The following GRM5 variants were observed in gnomAD, a reference collection of about 807,000 sequenced individuals.
GRM5 encodes the protein metabotropic glutamate receptor 5.
In GRM5, 19 loss-of-function variants were observed where a neutral mutation model predicts 83.1. The observed-to-expected ratio is 0.23, with a 90% confidence interval of 0.16 to 0.34. GRM5 has a LOEUF of 0.34. Among genes scored for constraint, GRM5 ranks in the 10% least tolerant of loss-of-function variants. The probability of loss-of-function intolerance (pLI) is 1.00; values close to 1 mark genes in which losing one functional copy is unlikely to be tolerated. For missense variants in GRM5, 1,160 were observed against 1,588.3 expected (o/e 0.73, Z 4.58); for synonymous variants, 675 against 633.6 (o/e 1.07, Z -0.98).
intron 2 of GRM5, among the ~76,000 whole-genome samples, chr11:88,860,223 C>G (rs1388978828): frequency 6.6e-6 from 1 of 151,916 alleles, no homozygotes; most frequent in Admixed American, 6.6e-5. Context: ...TTTTTTTCCT[C>G]TGGCTATTCT....
At position 88,509,141 on chromosome 11, in the gene GRM5, G is replaced by C; in HGVS notation, c.3090C>G (p.Gly1030=). The change falls in exon 10 of 10, where the codon GGC becomes GGG. Residue 1030 remains glycine (G), a synonymous_variant. Coordinates refer to ENST00000305447, the MANE Select transcript of GRM5 (RefSeq NM_001143831.3). ...SPISTLSHRA[G]SASRTDDDVP... ...CATCGTCGTCCGTGCGGCTGGCCGA[G>C]CCCGCGCGGTGGCTCAGCGTGCTGA... The C allele has an allele frequency of 2.6e-6, 4 of 1,540,934 alleles. No individual in the cohort carries two copies. Among genetic ancestry groups the C allele is most frequent in the Non-Finnish European group, 3.5e-6 (4 of 1,144,400 alleles).
At chr11:89,062,530 T>C (rs756901519) in intron 1 of GRM5, among the ~76,000 whole-genome samples, 11 of 152,242 alleles carry the variant, frequency 7.2e-5, no homozygotes, top group Non-Finnish European at 1.5e-4. Flanking sequence ...AGCTGCCTTC[T>C]CACTGGTCTG....
chr11:88,760,258 C>T (rs953762222), intron 3 of GRM5, among the ~76,000 whole-genome samples: 1 of 152,008 alleles, frequency 6.6e-6, no homozygotes, highest in Non-Finnish European at 1.5e-5. Flanking sequence ...AACAAACAAA[C>T]ATTCAAAAGA....
rs144151537 is a variant in GRM5 at position 88,551,279 on chromosome 11, G to C, written c.2630+15774C>G. ...CATCCTACACTCCACTTTCCCTTCT[G>C]TGGGTTCTGCCTATTTAGACTTCAG... On this transcript the variant is annotated intron_variant, in intron 8 of 9. Transcript: ENST00000305447. Among the ~76,000 whole-genome samples, 62 of 152,202 alleles carry C rather than the reference G, an allele frequency of 4.1e-4. 2 individuals are homozygous for C. In the East Asian group the frequency reaches 0.011, roughly 27 times the overall value.
At chr11:88,825,045 C>T (rs866300406) in intron 3 of GRM5, among the ~76,000 whole-genome samples, 24 of 152,088 alleles carry the variant, frequency 1.6e-4, no homozygotes, top group African/African-American at 3.4e-4. Context: ...TCACTAAGCA[C>T]GAAGTTTGCA....
chr11:88,933,721 A>G lies in GRM5; in HGVS notation c.662-83566T>C, dbSNP rs540586337. On this transcript the variant is annotated intron_variant, in intron 2 of 9. Transcript: ENST00000305447. The stretch of plus-strand genomic sequence containing the variant: ...GCTGCTCTAGATTCAAATCAATGAA[A>G]CCAAGAAATCACACATGTTTGAGAA... Among the ~76,000 whole-genome samples, 168 of 151,966 alleles carry G rather than the reference A, an allele frequency of 1.1e-3. 2 individuals are homozygous for G. Among genetic ancestry groups the G allele is most frequent in the Middle Eastern group, 0.01 (3 of 294 alleles).
intron 3 of GRM5, among the ~76,000 whole-genome samples, chr11:88,734,332 G>A (rs1291341312): frequency 6.6e-6 from 1 of 151,944 alleles, no homozygotes; most frequent in Non-Finnish European, 1.5e-5. Flanking sequence ...AAAAAGATAA[G>A]TGTTGGCAAA....
At chr11:88,573,060 A>G (rs1336557873) in intron 7 of GRM5, among the ~76,000 whole-genome samples, 1 of 152,148 alleles carries the variant, frequency 6.6e-6, no homozygotes, top group Non-Finnish European at 1.5e-5. Flanking sequence ...TTCTAATAAC[A>G]TCTATTTAGG....
At chr11:88,749,203 C>G (rs1173613616) in intron 3 of GRM5, among the ~76,000 whole-genome samples, 1 of 151,990 alleles carries the variant, frequency 6.6e-6, no homozygotes, top group Non-Finnish European at 1.5e-5. Flanking sequence ...AGTGATAAAA[C>G]AATAAAGGAG....
intron 4 of GRM5, among the ~76,000 whole-genome samples, chr11:88,637,868 C>T (rs71469207): frequency 0.19 from 28,769 of 148,118 alleles, 3,560 homozygotes; most frequent in Non-Finnish European, 0.27. Flanking sequence ...ATGTTTATTG[C>T]GGCATTATTC....
At chr11:88,585,639 C>A (rs1218732014) in intron 7 of GRM5, among the ~76,000 whole-genome samples, 1 of 152,024 alleles carries the variant, frequency 6.6e-6, no homozygotes, top group Non-Finnish European at 1.5e-5. Flanking sequence ...TTTTGCATGC[C>A]CACAATTCAT....
intron 3 of GRM5, among the ~76,000 whole-genome samples, chr11:88,775,370 T>C (rs1289797455): frequency 6.6e-6 from 1 of 152,180 alleles, no homozygotes; most frequent in Non-Finnish European, 1.5e-5. Context: ...TCAATTTTGT[T>C]GATCTTTTCA....
intron 4 of GRM5, among the ~76,000 whole-genome samples, chr11:88,633,452 C>A (rs1031095717): frequency 7.2e-5 from 11 of 152,190 alleles, no homozygotes; most frequent in African/African-American, 2.4e-4. Flanking sequence ...AATGGGTTTT[C>A]ATGTTTTCTT....
intron 2 of GRM5, among the ~76,000 whole-genome samples, chr11:88,880,778 A>G (rs1210969315): frequency 6.6e-6 from 1 of 152,200 alleles, no homozygotes; most frequent in Non-Finnish European, 1.5e-5. Flanking sequence ...GGTACGAACA[A>G]TTAAGTGTGT....
intron 3 of GRM5, among the ~76,000 whole-genome samples, chr11:88,816,524 G>A (rs1943686811): frequency 7.5e-6 from 1 of 133,472 alleles, no homozygotes; most frequent in Non-Finnish European, 1.6e-5. Context: ...GGGCAACAGA[G>A]CAAGACTCCA....
intron 3 of GRM5, among the ~76,000 whole-genome samples, chr11:88,792,509 C>A (rs895568413): frequency 4.6e-5 from 7 of 152,074 alleles, no homozygotes; most frequent in African/African-American, 1.7e-4. Context: ...TATGACAGGA[C>A]TCCTATTATT....
At chr11:88,954,886 A>C (rs1360974280) in intron 2 of GRM5, among the ~76,000 whole-genome samples, 1 of 152,174 alleles carries the variant, frequency 6.6e-6, no homozygotes, top group East Asian at 1.9e-4. Flanking sequence ...TGAATGTAGA[A>C]AGGCTTCAAT....
intron 1 of GRM5, among the ~76,000 whole-genome samples, chr11:89,055,273 C>A (rs1173979167): frequency 1.3e-5 from 2 of 152,194 alleles, no homozygotes; most frequent in Non-Finnish European, 2.9e-5. Flanking sequence ...CCTCTCTGAG[C>A]CTCATGCCTT....
At chr11:88,912,064 C>T (rs550901057) in intron 2 of GRM5, 10 of 466,102 alleles carry the variant, frequency 2.1e-5, no homozygotes, top group Non-Finnish European at 3.6e-5. Context: ...TAAGTATTGG[C>T]GAAGTTCAGA....
Sources: gnomAD v4.1 joint callset for allele counts (sites outside exome capture counted in the v4.1 genomes callset) on GRCh38, gnomAD v4.1.1 for gene constraint, MANE v1.5 for transcripts, NCBI Gene and HGNC (gene_info 2026-07-23, HGNC 2026-07-21) for gene names.